The following ZNF217 variants were observed in gnomAD, a reference collection of about 807,000 sequenced individuals.
ZNF217 encodes the protein zinc finger protein 217.
In ZNF217, 12 loss-of-function variants were observed where a neutral mutation model predicts 73.3. That is an observed-to-expected ratio of 0.16 (90% CI 0.10 to 0.27). The LOEUF (loss-of-function observed/expected upper bound fraction) is 0.27. ZNF217 is among the 10% of genes least tolerant of loss of function. The probability of loss-of-function intolerance (pLI) is 1.00; values close to 1 mark genes in which losing one functional copy is unlikely to be tolerated. For synonymous variants in ZNF217, 588 were observed against 516.4 expected, an observed-to-expected ratio of 1.14 and a Z score of -1.88; for missense variants, 1,195 against 1,327.8, an observed-to-expected ratio of 0.90 and a Z score of 1.55.
At chr20:53,597,038 A>G (rs542254359), upstream of ZNF217, among the ~76,000 whole-genome samples, 9 of 148,158 alleles carry the variant, frequency 6.1e-5, no homozygotes, top group Admixed American at 1.4e-4. Context: ...CTGATTTTCT[A>G]TCCAGATCCT....
At position 53,581,557 on chromosome 20, in the gene ZNF217, G is replaced by A. The variant is rs867050547; in HGVS notation, c.1270C>T (p.Leu424Phe). The A allele has an allele frequency of 1.2e-6, 2 of 1,614,222 alleles. No individual in the cohort carries two copies. Among genetic ancestry groups the A allele is most frequent in the East Asian group, 4.5e-5 (2 of 44,884 alleles). Residue 424 changes from leucine to phenylalanine, a missense_variant, in exon 2 of 6, where the codon CTC becomes TTC. Leu to Phe is a conservative substitution (Grantham distance 22). Around this residue, in one of 9 missense-constraint regions of ZNF217, gnomAD observed 116 missense variants for 121.9 expected, o/e 0.95. Transcript: ENST00000371471. The surrounding 1 kb of genome is among the most constrained non-coding windows in gnomAD (Gnocchi z 4.9). ...CCATTTTCATCCAGAGGGGCGGCGAGGTCAGGAGAACACGTCCCCGGCTGC... is the reference window on the plus strand; with the variant it reads ...CCATTTTCATCCAGAGGGGCGGCGAAGTCAGGAGAACACGTCCCCGGCTGC... ...GRQPGTCSPD[L>F]AAPLDENGAV... is the part of the protein sequence containing the mutation.
intron 1 of ZNF217, among the ~76,000 whole-genome samples, chr20:53,588,594 CTATATATATA>C (rs61379629): frequency 0.16 from 23,001 of 148,138 alleles, 2,593 homozygotes; most frequent in African/African-American, 0.32. Flanking sequence ...ACACATCTAT[CTATATATATA>C]TATATATATA....
In ZNF217 at chr20:53,576,601, A is replaced by G. The variant is rs1988282437; in HGVS notation, c.2163T>C (p.Tyr721=). 3 of 1,614,122 alleles carry G rather than the reference A, an allele frequency of 1.9e-6. No homozygotes were observed. In the African/African-American group the frequency reaches 4.0e-5, roughly 22 times the overall value. The change falls in exon 4 of 6, where the codon TAT becomes TAC. Residue 721 remains tyrosine (Y), a synonymous_variant. Coordinates refer to ENST00000371471, the MANE Select transcript of ZNF217 (RefSeq NM_006526.3). The part of the protein sequence containing the change: ...TCPFCTFKTF[Y]PEVLMMHQRL... ...TCTGGTGCATCATTAAAACTTCTGG[A>G]TAAAATGTCTTGAAGGTACAAAATG...
At chr20:53,592,431 C>A (rs1197243865) in intron 1 of ZNF217, among the ~76,000 whole-genome samples, 1 of 151,994 alleles carries the variant, frequency 6.6e-6, no homozygotes, top group Non-Finnish European at 1.5e-5. Flanking sequence ...GCTCTCAGGG[C>A]GGCCCAGATG....
At position 53,581,120 on chromosome 20, in the gene ZNF217, C is replaced by T. The variant is rs967756857; in HGVS notation, c.1366+341G>A. Among the ~76,000 whole-genome samples the T allele has an allele frequency of 2.6e-5, 4 of 152,062 alleles. No individual in the cohort carries two copies. Among genetic ancestry groups the T allele is most frequent in the African/African-American group, 4.8e-5 (2 of 41,402 alleles). Reference sequence around the variant, plus strand: ...GCCAGATACTGATTGGGAACAAAATCGCCCCAGTTAAGAAGCAGTGCATTT... The same window carrying T: ...GCCAGATACTGATTGGGAACAAAATTGCCCCAGTTAAGAAGCAGTGCATTT... On this transcript the variant is annotated intron_variant, in intron 2 of 5. Coordinates refer to ENST00000371471, the MANE Select transcript of ZNF217 (RefSeq NM_006526.3). The surrounding 1 kb of genome is among the most constrained non-coding windows in gnomAD (Gnocchi z 4.9).
upstream of ZNF217, among the ~76,000 whole-genome samples, chr20:53,595,101 A>G (rs1362604418): frequency 6.6e-6 from 1 of 151,028 alleles, no homozygotes; most frequent in Admixed American, 6.6e-5. Flanking sequence ...CGCACAACTC[A>G]TTTAAAGCGT....
chr20:53,581,952 G>A lies in ZNF217; in HGVS notation c.875C>T (p.Pro292Leu). 6.2e-7 allele frequency: 1 copy of A among 1,614,204 alleles called. No homozygotes were observed. The highest frequency in any genetic ancestry group is 8.5e-7 in the Non-Finnish European group (1 of 1,180,036). The change falls in exon 2 of 6, where the codon CCG becomes CTG. Residue 292 changes from proline (P) to leucine (L), a missense_variant. Pro to Leu is a moderately conservative substitution (Grantham distance 98). Coordinates refer to ENST00000371471, the MANE Select transcript of ZNF217 (RefSeq NM_006526.3). This position sits in a 1 kb window ranked among gnomAD's most constrained non-coding sequence, Gnocchi z 4.9. ...KPVRCIPQLD[P>L]FTTFQAWQLA... ...CTGCCAAGCCTGGAAGGTGGTGAAC[G>A]GATCGAGCTGAGGGATGCATCTGAC...
At chr20:53,594,463 C>T (rs943303073), upstream of ZNF217, among the ~76,000 whole-genome samples, 1 of 151,140 alleles carries the variant, frequency 6.6e-6, no homozygotes, top group Non-Finnish European at 1.5e-5. Flanking sequence ...ACTCCGCCTC[C>T]GGGACGGGAG....
At chr20:53,593,075 C>T (rs1204757924) in intron 1 of ZNF217, among the ~76,000 whole-genome samples, 1 of 151,984 alleles carries the variant, frequency 6.6e-6, no homozygotes, top group African/African-American at 2.4e-5. Flanking sequence ...GAAACGCAGC[C>T]CCGTGCATCC....
chr20:53,569,583 C>T (rs576658533), intron 5 of ZNF217, among the ~76,000 whole-genome samples: 2 of 152,136 alleles, frequency 1.3e-5, no homozygotes, highest in Non-Finnish European at 2.9e-5. Context: ...AGGGTTTCAC[C>T]ATGTTGGCCA....
rs775616874 is a variant in ZNF217, at chr20:53,578,431, T to C, written c.1386A>G (p.Gly462=). ...TTGAAGATGTAAGATGTTTTATTTT[T>C]CCTCCATCATCATTTTTATCTTAAA... is the stretch of plus-strand genomic sequence containing the variant. ...GIHLDKNDDG[G]KIKHLTSSRE... is the part of the protein sequence containing the mutation. The change falls in exon 3 of 6, where the codon GGA becomes GGG. Residue 462 remains glycine (G), a synonymous_variant. Transcript: ENST00000371471. 6.4e-7 allele frequency: 1 copy of C among 1,564,724 alleles called. No homozygotes were observed. Among genetic ancestry groups the C allele is most frequent in the East Asian group, 2.3e-5 (1 of 43,188 alleles).
At chr20:53,580,076 A>G (rs1988427912) in intron 2 of ZNF217, among the ~76,000 whole-genome samples, 1 of 152,260 alleles carries the variant, frequency 6.6e-6, no homozygotes, top group Non-Finnish European at 1.5e-5. Flanking sequence ...CTGTGTTTAA[A>G]GCCTCTTTTT....
intron 1 of ZNF217, among the ~76,000 whole-genome samples, chr20:53,589,259 A>C (rs568699471): frequency 6.6e-6 from 1 of 152,244 alleles, no homozygotes; most frequent in Non-Finnish European, 1.5e-5. Context: ...TAATAAGAAC[A>C]AAGGCTAAGT....
intron 5 of ZNF217, 63 bp downstream of exon 5, chr20:53,571,658 T>G: frequency 6.5e-7 from 1 of 1,543,266 alleles, no homozygotes; most frequent in Non-Finnish European, 8.7e-7. Flanking sequence ...CCGCCCGCCC[T>G]GACCTCCCAA....
chr20:53,580,724 G>A (rs1288256427), intron 2 of ZNF217, among the ~76,000 whole-genome samples: 1 of 152,116 alleles, frequency 6.6e-6, no homozygotes, highest in Non-Finnish European at 1.5e-5. Flanking sequence ...TGTATTTTAT[G>A]ACAAATCATT....
intron 5 of ZNF217, among the ~76,000 whole-genome samples, chr20:53,570,020 A>G (rs934881996): frequency 1.3e-5 from 2 of 152,100 alleles, no homozygotes; most frequent in African/African-American, 2.4e-5. Context: ...AGCAGGCAGG[A>G]TGTTCTCCAG....
upstream of ZNF217, among the ~76,000 whole-genome samples, chr20:53,596,630 C>T (rs1159174133): frequency 6.6e-6 from 1 of 152,112 alleles, no homozygotes; most frequent in Admixed American, 6.6e-5. Flanking sequence ...ACACTGGAAG[C>T]ATTTGGTTTT....
At chr20:53,572,255 A>G (rs1988044438) in intron 4 of ZNF217, among the ~76,000 whole-genome samples, 1 of 152,194 alleles carries the variant, frequency 6.6e-6, no homozygotes, top group Non-Finnish European at 1.5e-5. Flanking sequence ...AAAATAAAAA[A>G]TTAGCTGGGT....
chr20:53,570,719 G>A (rs907905237), intron 5 of ZNF217, among the ~76,000 whole-genome samples: 20 of 152,134 alleles, frequency 1.3e-4, no homozygotes, highest in Admixed American at 7.2e-4. Context: ...ACTTGCTCCT[G>A]TCCCAGTTCC....
Sources: allele counts gnomAD v4.1 joint callset (sites outside exome capture counted in the v4.1 genomes callset), GRCh38; gene constraint gnomAD v4.1.1; regional missense constraint gnomAD v4.1.1; non-coding constraint Gnocchi (gnomAD v3.1); transcripts MANE v1.5; gene names NCBI Gene and HGNC (gene_info 2026-07-23, HGNC 2026-07-21).